CAAP1: variants seen among roughly 807,000 people sequenced by gnomAD.
CAAP1 encodes the protein caspase activity and apoptosis inhibitor 1.
CAAP1 carries 20 observed loss-of-function variants against 34.0 expected under a neutral mutation model. The observed-to-expected ratio is 0.59, with a 90% CI of 0.41 to 0.86. The LOEUF is 0.86. Ranked by LOEUF, CAAP1 falls within the 40% of genes least tolerant of loss-of-function variation. The probability of loss-of-function intolerance (pLI) is 0.00; values close to 1 mark genes in which losing one functional copy is unlikely to be tolerated. For synonymous variants in CAAP1, 213 were observed against 166.7 expected, an observed-to-expected ratio of 1.28 and a Z score of -2.14; for missense variants, 538 against 450.5, an observed-to-expected ratio of 1.19 and a Z score of -1.76.
At chr9:26,861,214 T>C in intron 4 of CAAP1, 75 bp from the exon 5 acceptor site, 1 of 1,077,100 alleles carries the variant, frequency 9.3e-7, no homozygotes, top group Admixed American at 1.8e-5. Context: ...GTTCCCAGAA[T>C]TAAGTTAGGC....
At chr9:26,844,048 T>C (rs1822539207) in intron 5 of CAAP1, among the ~76,000 whole-genome samples, 1 of 152,142 alleles carries the variant, frequency 6.6e-6, no homozygotes, top group African/African-American at 2.4e-5. Flanking sequence ...TATTCTAACT[T>C]GAGACTAAAA....
chr9:26,887,763 T>C (rs929833232), intron 1 of CAAP1, among the ~76,000 whole-genome samples: 1 of 152,172 alleles, frequency 6.6e-6, no homozygotes, highest in Non-Finnish European at 1.5e-5. Context: ...AACAAAAGTA[T>C]AGTAAATATT....
chr9:26,851,483 C>T (rs146209913), intron 5 of CAAP1, among the ~76,000 whole-genome samples: 2,520 of 152,206 alleles, frequency 0.017, 129 homozygotes, highest in Admixed American at 0.11. Flanking sequence ...AAGACATCAC[C>T]ATTCTAGGAT....
chr9:26,880,166 C>T, intron 4 of CAAP1: 1 of 267,442 alleles, frequency 3.7e-6, no homozygotes, highest in South Asian at 3.3e-5. Context: ...ATGTTCTCCA[C>T]ACTCACGGGG....
At chr9:26,865,404 T>C (rs1823111580) in intron 4 of CAAP1, among the ~76,000 whole-genome samples, 1 of 151,942 alleles carries the variant, frequency 6.6e-6, no homozygotes, top group South Asian at 2.1e-4. Context: ...ACGCCTGTAA[T>C]CCCAGCTACT....
chr9:26,855,902 G>A (rs1173569036), intron 5 of CAAP1, among the ~76,000 whole-genome samples: 1 of 152,162 alleles, frequency 6.6e-6, no homozygotes, highest in East Asian at 1.9e-4. Context: ...TTAAGAGTGT[G>A]TCTAAGATCC....
Position 26,892,736 on chromosome 9 carries a change from C to G in CAAP1, c.-21G>C. The G allele has an allele frequency of 1.3e-6, 2 of 1,561,196 alleles. No homozygotes were observed. The highest frequency in any genetic ancestry group is 2.3e-5 in the South Asian group (2 of 85,806). ...GTCATGATCCCTCTGCTGCAACCAT[C>G]GGAGGAAAGTCCGCTGTCTCTGGTG... is the stretch of plus-strand genomic sequence containing the variant. On this transcript the variant is annotated 5_prime_UTR_variant, in exon 1 of 6. Coordinates refer to ENST00000333916, the MANE Select transcript of CAAP1 (RefSeq NM_024828.4).
intron 5 of CAAP1, among the ~76,000 whole-genome samples, chr9:26,858,183 G>C (rs1300500135): frequency 6.6e-6 from 1 of 152,142 alleles, no homozygotes; most frequent in African/African-American, 2.4e-5. Context: ...TGCTTTTATT[G>C]AGCTCACTGT....
At chr9:26,850,382 A>G (rs1168937705) in intron 5 of CAAP1, among the ~76,000 whole-genome samples, 1 of 152,188 alleles carries the variant, frequency 6.6e-6, no homozygotes, top group Non-Finnish European at 1.5e-5. Flanking sequence ...TCTTTGAATG[A>G]GTTATTTGAG....
intron 4 of CAAP1, among the ~76,000 whole-genome samples, chr9:26,876,588 A>G (rs972868498): frequency 6.7e-6 from 1 of 150,188 alleles, no homozygotes; most frequent in Non-Finnish European, 1.5e-5. Flanking sequence ...CTATGTTTAG[A>G]TAATATTTGG....
chr9:26,848,735 A>T (rs1373124027), intron 5 of CAAP1, among the ~76,000 whole-genome samples: 1 of 152,128 alleles, frequency 6.6e-6, no homozygotes, highest in Non-Finnish European at 1.5e-5. Flanking sequence ...TTTTATTTAT[A>T]TTAGGAGTAT....
Position 26,842,108 on chromosome 9 carries a change from G to A in CAAP1, c.*193C>T, listed in dbSNP as rs1363371575. 1 of 508,936 alleles carries A rather than the reference G, an allele frequency of 2.0e-6. No individual in the cohort carries two copies. Among genetic ancestry groups the A allele is most frequent in the Non-Finnish European group, 3.4e-6 (1 of 292,246 alleles). The allele number at this position is 508,936 out of a possible 1,614,324, so 31.5% of individuals were successfully genotyped here. ...TATATTGCCATGAATTCATAAGACA[G>A]TAACACACATTTATAATATAAAAGT... On this transcript the variant is annotated 3_prime_UTR_variant, in exon 6 of 6. Transcript: ENST00000333916.
chr9:26,878,813 T>TA lies in CAAP1; in HGVS notation c.665+5996dup, dbSNP rs113897425. Reference sequence around the variant, plus strand: ...TTGGGGGACAGAGTGAGACAGTGTCTAAAAAAAAAAAAATCCAACGCTTTC... The same window carrying TA: ...TTGGGGGACAGAGTGAGACAGTGTCTAAAAAAAAAAAAAATCCAACGCTTTC... On this transcript the variant is annotated intron_variant, in intron 4 of 5. Coordinates refer to ENST00000333916, the MANE Select transcript of CAAP1 (RefSeq NM_024828.4). 8.4e-4 allele frequency among the ~76,000 whole-genome samples: 120 copies of TA among 143,588 alleles called. 1 individual carries two copies. The highest frequency in any genetic ancestry group is 9.8e-4 in the Admixed American group (14 of 14,244). The allele number at this position is 143,588 out of a possible 152,430, so 94.2% of individuals were successfully genotyped here.
intron 1 of CAAP1, among the ~76,000 whole-genome samples, chr9:26,890,439 G>T (rs1386527080): frequency 1.3e-5 from 2 of 151,430 alleles, no homozygotes; most frequent in Non-Finnish European, 2.9e-5. Flanking sequence ...AATCTAGAAG[G>T]GGTGGGAAAA....
Position 26,842,538 on chromosome 9 carries a change from T to C in CAAP1, c.849A>G (p.Thr283=). 2 of 1,614,222 alleles carry C rather than the reference T, an allele frequency of 1.2e-6. No individual in the cohort carries two copies. The highest frequency in any genetic ancestry group is 1.3e-5 in the African/African-American group (1 of 75,064). ...CTATCTGACCAGCTTCACTTTGGACTGTATTTTCTGGTGCCTCGGGAGCAG... is the reference window on the plus strand; with the variant it reads ...CTATCTGACCAGCTTCACTTTGGACCGTATTTTCTGGTGCCTCGGGAGCAG... ...EAAAPEAPEN[T]VQSEAGQIDD... is the part of the protein sequence containing the mutation. Residue 283 remains threonine, a synonymous_variant, in exon 6 of 6, where the codon ACA becomes ACG. Coordinates refer to ENST00000333916, the MANE Select transcript of CAAP1 (RefSeq NM_024828.4).
At chr9:26,843,587 T>C (rs1822528331) in intron 5 of CAAP1, among the ~76,000 whole-genome samples, 2 of 151,394 alleles carry the variant, frequency 1.3e-5, no homozygotes, top group Admixed American at 1.3e-4. Context: ...GCTGCACCCA[T>C]GAATATGTTT....
chr9:26,861,092 T>A lies in CAAP1; in HGVS notation c.713A>T (p.Gln238Leu). 6.2e-7 allele frequency: 1 copy of A among 1,612,094 alleles called. No homozygotes were observed. The highest frequency in any genetic ancestry group is 8.5e-7 in the Non-Finnish European group (1 of 1,178,354). Residue 238 changes from glutamine (Q) to leucine (L), a missense_variant, in exon 5 of 6, where the codon CAA becomes CTA. Coordinates refer to ENST00000333916, the MANE Select transcript of CAAP1 (RefSeq NM_024828.4). ...DSASSVRENKQPEGLELKQGK... is the reference protein window; with the variant it reads ...DSASSVRENKLPEGLELKQGK... Reference sequence around the variant, plus strand: ...TTGTTTTAATTCCAAACCTTCAGGTTGCTTATTCTCTCTCACGGATGAAGC... The same window carrying A: ...TTGTTTTAATTCCAAACCTTCAGGTAGCTTATTCTCTCTCACGGATGAAGC...
Position 26,892,455 on chromosome 9 carries a change from C to A in CAAP1, c.261G>T (p.Arg87=). 6.3e-7 allele frequency: 1 copy of A among 1,581,050 alleles called. No homozygotes were observed. The highest frequency in any genetic ancestry group is 1.1e-5 in the South Asian group (1 of 87,538). ...SSVERSERRK[R]RSTDSSSVSG... ...AGACGCTGGAAGAGTCGGTACTCCT[C>A]CGCTTCCGGCGCTCGCTGCGCTCCA... Residue 87 remains arginine (R), a synonymous_variant, in exon 1 of 6, where the codon CGG becomes CGT. Coordinates refer to ENST00000333916, the MANE Select transcript of CAAP1 (RefSeq NM_024828.4).
At chr9:26,889,241 A>C (rs1823837608) in intron 1 of CAAP1, among the ~76,000 whole-genome samples, 1 of 152,024 alleles carries the variant, frequency 6.6e-6, no homozygotes, top group South Asian at 2.1e-4. Context: ...ACATGGTGAA[A>C]CCCCGTGTCT....
Sources: gnomAD v4.1 joint callset for allele counts (sites outside exome capture counted in the v4.1 genomes callset) on GRCh38, gnomAD v4.1.1 for gene constraint, MANE v1.5 for transcripts, NCBI Gene and HGNC (gene_info 2026-07-23, HGNC 2026-07-21) for gene names.